Variants in SMIM35 observed in about 807,000 individuals in gnomAD.
The protein encoded by SMIM35 is TMPRSS4 antisense RNA 1 (non-protein coding).
At chr11:118,012,254 C>T (rs1166981759) in intron 4 of SMIM35, among the ~76,000 whole-genome samples, 2 of 152,214 alleles carry the variant, frequency 1.3e-5, no homozygotes, top group Non-Finnish European at 2.9e-5. Context: ...AGGACTCTGC[C>T]TCTCTGGTTT....
intron 1 of SMIM35, among the ~76,000 whole-genome samples, chr11:118,072,324 A>C (rs1358450322): frequency 2.6e-5 from 4 of 152,186 alleles, no homozygotes; most frequent in Non-Finnish European, 5.9e-5. Flanking sequence ...ACCCGTCTCT[A>C]CTAAAAGAAA....
intron 1 of SMIM35, among the ~76,000 whole-genome samples, chr11:118,061,053 G>A (rs1302189982): frequency 1.3e-5 from 2 of 152,206 alleles, no homozygotes; most frequent in Non-Finnish European, 2.9e-5. Flanking sequence ...CACCGCTTCT[G>A]CTGAGTCACC....
intron 4 of SMIM35, among the ~76,000 whole-genome samples, chr11:118,008,645 G>A (rs932241976): frequency 6.6e-6 from 1 of 152,252 alleles, no homozygotes; most frequent in Non-Finnish European, 1.5e-5. Context: ...TGTAGTCAAG[G>A]ATGGGGAGAG....
At chr11:118,083,540 A>G (rs1369503594) in intron 1 of SMIM35, among the ~76,000 whole-genome samples, 1 of 152,168 alleles carries the variant, frequency 6.6e-6, no homozygotes, top group Non-Finnish European at 1.5e-5. Flanking sequence ...GCTCCTTCCC[A>G]TTAACAATAA....
intron 1 of SMIM35, among the ~76,000 whole-genome samples, chr11:118,067,719 CT>C (rs1944500127): frequency 1.3e-5 from 2 of 151,320 alleles, no homozygotes; most frequent in Non-Finnish European, 2.9e-5. Context: ...TATAGTTCAA[CT>C]TCTCGGGAGG....
chr11:118,077,672 G>C (rs116923648), intron 1 of SMIM35, among the ~76,000 whole-genome samples: 2,313 of 152,266 alleles, frequency 0.015, 85 homozygotes, highest in East Asian at 0.083. Context: ...TGATGCCACG[G>C]TTGCCCTCTG....
chr11:118,038,839 T>C (rs539107990), intron 1 of SMIM35, among the ~76,000 whole-genome samples: 2 of 152,166 alleles, frequency 1.3e-5, no homozygotes, highest in South Asian at 4.1e-4. Context: ...GCAAACAACA[T>C]GTGCAAAGGG....
chr11:118,021,215 G>A (rs888299457), intron 1 of SMIM35, among the ~76,000 whole-genome samples: 2 of 152,068 alleles, frequency 1.3e-5, no homozygotes, highest in Admixed American at 6.5e-5. Context: ...TAAAACATTG[G>A]AAATTATTGT....
At chr11:118,021,024 A>G (rs2058224403) in intron 1 of SMIM35, among the ~76,000 whole-genome samples, 1 of 146,318 alleles carries the variant, frequency 6.8e-6, no homozygotes, top group African/African-American at 2.6e-5. Context: ...GTGCGTTTTT[A>G]GTTTCCAAAT....
chr11:118,019,999 C>T (rs527278198), intron 1 of SMIM35, among the ~76,000 whole-genome samples: 3 of 152,296 alleles, frequency 2.0e-5, no homozygotes, highest in African/African-American at 7.2e-5. Context: ...CATGGTGTCT[C>T]ACGCCTGTAA....
chr11:118,029,099 G>A (rs549238306), intron 1 of SMIM35: 159 of 287,208 alleles, frequency 5.5e-4, no homozygotes, highest in African/African-American at 2.9e-3. Flanking sequence ...GCAATCACAC[G>A]CTTGAAGTAT....
chr11:118,024,566 AG>A (rs991807437), intron 1 of SMIM35, among the ~76,000 whole-genome samples: 7 of 151,942 alleles, frequency 4.6e-5, no homozygotes, highest in African/African-American at 1.7e-4. Context: ...TCGACCTCCC[AG>A]GTTTAAGCAA....
chr11:118,063,808 G>A (rs910733613), intron 1 of SMIM35, among the ~76,000 whole-genome samples: 7 of 152,200 alleles, frequency 4.6e-5, no homozygotes, highest in Admixed American at 1.3e-4. Flanking sequence ...AAGGGGACCC[G>A]ACTCGGGAGG....
intron 1 of SMIM35, among the ~76,000 whole-genome samples, chr11:118,049,443 G>T (rs1159698394): frequency 6.7e-6 from 1 of 149,212 alleles, no homozygotes; most frequent in African/African-American, 2.5e-5. Flanking sequence ...CCACCTCCTG[G>T]GTTCAAGCAA....
At position 118,071,119 on chromosome 11, in the gene SMIM35, G is replaced by A. The variant is rs567358107; in HGVS notation, c.7+15632C>T. On this transcript the variant is annotated intron_variant, in intron 1 of 4. Transcript: ENST00000689828. ...TGGTAGCTATTTCCTTACCGTGTGT[G>A]GCTTATTTGAAGAAAATGCGTCCTG... Among the ~76,000 whole-genome samples the A allele has an allele frequency of 9.6e-4, 146 of 152,292 alleles. 1 individual carries two copies. The highest frequency in any genetic ancestry group is 1.0e-3 in the South Asian group (5 of 4,824).
chr11:118,048,032 T>C (rs1361340656), intron 1 of SMIM35, among the ~76,000 whole-genome samples: 2 of 151,772 alleles, frequency 1.3e-5, no homozygotes, highest in Non-Finnish European at 2.9e-5. Flanking sequence ...GCCCCCAGAG[T>C]GGGGGTGCAT....
intron 1 of SMIM35, among the ~76,000 whole-genome samples, chr11:118,021,848 C>G (rs1197300458): frequency 6.6e-6 from 1 of 152,130 alleles, no homozygotes; most frequent in Non-Finnish European, 1.5e-5. Flanking sequence ...TCTTCTCTCT[C>G]AGCAATTGAT....
chr11:118,037,172 C>A, intron 1 of SMIM35, among the ~76,000 whole-genome samples: 1 of 152,210 alleles, frequency 6.6e-6, no homozygotes, highest in Non-Finnish European at 1.5e-5. Context: ...CTAACTGCTT[C>A]CTGCTGAACT....
intron 1 of SMIM35, among the ~76,000 whole-genome samples, chr11:118,068,967 A>G (rs1944529300): frequency 1.3e-5 from 2 of 152,168 alleles, no homozygotes; most frequent in Admixed American, 1.3e-4. Context: ...ATCTAAAAGC[A>G]TTCTCTCTTC....
Sources: allele counts gnomAD v4.1 joint callset (sites outside exome capture counted in the v4.1 genomes callset), GRCh38; gene constraint gnomAD v4.1.1; transcripts MANE v1.5; gene names NCBI Gene and HGNC (gene_info 2026-07-23, HGNC 2026-07-21).